Variants in ZDHHC17 observed in about 807,000 individuals in gnomAD.
ZDHHC17 encodes the protein zDHHC palmitoyltransferase 17, also known as palmitoyltransferase ZDHHC17.
In ZDHHC17, 40 loss-of-function variants were observed where a neutral mutation model predicts 90.3. The observed-to-expected ratio is 0.44, with a 90% CI of 0.34 to 0.58. The LOEUF (loss-of-function observed/expected upper bound fraction) is 0.58. ZDHHC17 is among the 20% of genes least tolerant of loss of function. ZDHHC17 has a pLI of 0.01. For synonymous variants in ZDHHC17, 235 were observed against 252.4 expected (o/e 0.93, Z 0.65); for missense variants, 614 against 780.8 (o/e 0.79, Z 2.55).
chr12:76,805,591 T>C (rs1213166418), intron 3 of ZDHHC17, among the ~76,000 whole-genome samples, 152 bp downstream of exon 3: 2 of 152,202 alleles, frequency 1.3e-5, no homozygotes, highest in African/African-American at 4.8e-5. Context: ...AAAAGAAAAA[T>C]TGCTTTTAAC....
chr12:76,781,002 C>T (rs1952617807), intron 1 of ZDHHC17, among the ~76,000 whole-genome samples: 2 of 151,974 alleles, frequency 1.3e-5, no homozygotes, highest in South Asian at 2.1e-4. Flanking sequence ...GGCGTGGTAG[C>T]AGGCGCCCGT....
Position 76,779,146 on chromosome 12 carries a change from T to C in ZDHHC17, c.93+14817T>C, listed in dbSNP as rs556487588. ...ACATTTCAGCTGCTAATTGTGTCTT[T>C]TGCCTATTTCCTAGTTGATTATTTA... On this transcript the variant is annotated intron_variant, in intron 1 of 16. Coordinates refer to ENST00000426126, the MANE Select transcript of ZDHHC17 (RefSeq NM_015336.4). 2.6e-5 allele frequency among the ~76,000 whole-genome samples: 4 copies of C among 152,350 alleles called. No individual in the cohort carries two copies. The South Asian group carries it at 8.3e-4, about 32-fold the overall frequency.
rs755980091 is a variant in ZDHHC17 at position 76,850,839 on chromosome 12, G to C, written c.1761-8G>C. 1 of 1,612,398 alleles carries C rather than the reference G, an allele frequency of 6.2e-7. No individual in the cohort carries two copies. Among genetic ancestry groups the C allele is most frequent in the Non-Finnish European group, 8.5e-7 (1 of 1,179,404 alleles). On this transcript the variant is annotated splice_region_variant and splice_polypyrimidine_tract_variant and intron_variant, in intron 16 of 16. Transcript: ENST00000426126. The stretch of plus-strand genomic sequence containing the variant: ...TGACGTGTTTTCTTTTTGGGGTGCT[G>C]TTTTTAGCCATGGATGTGTAAGAAA...
In ZDHHC17 at chr12:76,822,540, A is replaced by G. The variant is rs1406717005; in HGVS notation, c.897+9A>G. 4 of 1,507,250 alleles carry G rather than the reference A, an allele frequency of 2.7e-6. No individual in the cohort carries two copies. Among genetic ancestry groups the G allele is most frequent in the East Asian group, 2.4e-5 (1 of 41,048 alleles). 93.4% of individuals were successfully genotyped at this position (1,507,250 alleles called of 1,614,324 possible). Reference sequence around the variant, plus strand: ...AGCTGAAAGCTGATAAGGTAAACTCATAACTGAAGATTTTTTTTTTTTTTT... The same window carrying G: ...AGCTGAAAGCTGATAAGGTAAACTCGTAACTGAAGATTTTTTTTTTTTTTT... On this transcript the variant is annotated intron_variant, in intron 8 of 16. Transcript: ENST00000426126.
At chr12:76,807,048 T>G (rs905917097) in intron 3 of ZDHHC17, among the ~76,000 whole-genome samples, 16 of 152,180 alleles carry the variant, frequency 1.1e-4, no homozygotes, top group Non-Finnish European at 1.6e-4. Context: ...AAAATCAACA[T>G]GGGACTGACA....
rs76752784 is a variant in ZDHHC17 at position 76,849,903 on chromosome 12, A to G, written c.1760+433A>G. Among the ~76,000 whole-genome samples the G allele has an allele frequency of 3.2e-3, 492 of 152,192 alleles. 1 individual carries two copies. The highest frequency in any genetic ancestry group is 0.011 in the African/African-American group (469 of 41,526). Reference sequence around the variant, plus strand: ...TCTCCCATAGGTACAAAAATTATATAAGGCACAAAACTGACTGCTTTTCTT... The same window carrying G: ...TCTCCCATAGGTACAAAAATTATATGAGGCACAAAACTGACTGCTTTTCTT... On this transcript the variant is annotated intron_variant, in intron 16 of 16. Transcript: ENST00000426126.
chr12:76,812,386 C>G (rs1167261843), intron 5 of ZDHHC17, among the ~76,000 whole-genome samples: 1 of 152,092 alleles, frequency 6.6e-6, no homozygotes, highest in African/African-American at 2.4e-5. Flanking sequence ...GCTGTTTCTT[C>G]TGCTGGTATA....
intron 1 of ZDHHC17, among the ~76,000 whole-genome samples, chr12:76,787,714 G>A (rs185976503): frequency 2.7e-4 from 41 of 152,152 alleles, no homozygotes; most frequent in African/African-American, 9.9e-4. Flanking sequence ...TCTAAAATCA[G>A]AGATGATATT....
At chr12:76,765,212 C>G (rs972797877) in intron 1 of ZDHHC17, among the ~76,000 whole-genome samples, 4 of 152,336 alleles carry the variant, frequency 2.6e-5, no homozygotes, top group African/African-American at 9.6e-5. Flanking sequence ...TAAAAGATGA[C>G]AGTCGTGTTG....
intron 5 of ZDHHC17, chr12:76,813,293 A>C (rs1033130763): frequency 2.3e-6 from 1 of 425,910 alleles, no homozygotes; most frequent in African/African-American, 2.1e-5. Context: ...TTCAGAAAAC[A>C]TATTTTTTTT....
intron 1 of ZDHHC17, among the ~76,000 whole-genome samples, chr12:76,783,788 C>A (rs1952655212): frequency 6.6e-6 from 1 of 152,206 alleles, no homozygotes; most frequent in Admixed American, 6.5e-5. Context: ...TTTTGGTTAG[C>A]TGAGCCCTAA....
rs1451290319 is a variant in ZDHHC17, at chr12:76,852,687, AG to A, written c.*1703del. 6.6e-6 allele frequency: 1 copy of A among 152,630 alleles called. No homozygotes were observed. The highest frequency in any genetic ancestry group is 2.4e-5 in the African/African-American group (1 of 41,456). 9.5% of individuals were successfully genotyped at this position (152,630 alleles called of 1,614,324 possible). ...GTATTTCCAAGTACCATTTTTATAT[AG>A]TAGCTTATTTGACCATAAGTCACAC... On this transcript the variant is annotated 3_prime_UTR_variant, in exon 17 of 17. Transcript: ENST00000426126.
intron 15 of ZDHHC17, 121 bp from the exon 16 acceptor site, chr12:76,849,255 C>A: frequency 4.0e-6 from 2 of 501,440 alleles, no homozygotes. Flanking sequence ...ATCACTTGAG[C>A]CCACCCAAGA....
rs1166412811 is a variant in ZDHHC17, at chr12:76,853,468, G to T, written c.*2483G>T. 6.6e-6 allele frequency: 1 copy of T among 152,244 alleles called. No homozygotes were observed. The highest frequency in any genetic ancestry group is 1.5e-5 in the Non-Finnish European group (1 of 67,904). The allele number at this position is 152,244 out of a possible 1,614,324, so 9.4% of individuals were successfully genotyped here. ...TCATTCATATTTTTGTTGTTTCCAG[G>T]AATTTATTTGATATTAATGGGCGTA... On this transcript the variant is annotated 3_prime_UTR_variant, in exon 17 of 17. Coordinates refer to ENST00000426126, the MANE Select transcript of ZDHHC17 (RefSeq NM_015336.4).
chr12:76,820,753 C>T (rs1953154283), intron 7 of ZDHHC17, among the ~76,000 whole-genome samples: 1 of 152,226 alleles, frequency 6.6e-6, no homozygotes, highest in Middle Eastern at 3.4e-3. Context: ...AGTGATCTTA[C>T]CCCCAACCAT....
intron 2 of ZDHHC17, among the ~76,000 whole-genome samples, chr12:76,798,418 T>C (rs1176267978): frequency 6.6e-6 from 1 of 152,128 alleles, no homozygotes; most frequent in African/African-American, 2.4e-5. Flanking sequence ...CTTTAAGAAT[T>C]GTCTGAAATT....
At chr12:76,783,553 A>T (rs1406974144) in intron 1 of ZDHHC17, among the ~76,000 whole-genome samples, 2 of 152,242 alleles carry the variant, frequency 1.3e-5, no homozygotes, top group African/African-American at 4.8e-5. Context: ...CCTGGGGAAT[A>T]CAGTTCAAGA....
In ZDHHC17 at chr12:76,764,277, G is replaced by T. The variant is rs1952400090; in HGVS notation, c.41G>T (p.Gly14Val). ...EEGFNTKMAD[G>V]PDEYDTEAGC... is the part of the protein sequence containing the mutation. ...GGATTTAACACCAAGATGGCGGACGGCCCGGATGAGTACGATACCGAAGCG... is the reference window on the plus strand; with the variant it reads ...GGATTTAACACCAAGATGGCGGACGTCCCGGATGAGTACGATACCGAAGCG... Residue 14 changes from glycine (G) to valine (V), a missense_variant, in exon 1 of 17, where the codon GGC (glycine) becomes GTC (valine). This residue lies in a region of ZDHHC17 where 358 missense variants were observed against 380.4 expected (regional missense o/e 0.94). Transcript: ENST00000426126. The T allele has an allele frequency of 6.2e-7, 1 of 1,607,254 alleles. No individual in the cohort carries two copies. Among genetic ancestry groups the T allele is most frequent in the Non-Finnish European group, 8.5e-7 (1 of 1,177,118 alleles).
At chr12:76,780,728 G>T (rs1048350791) in intron 1 of ZDHHC17, among the ~76,000 whole-genome samples, 26 of 152,150 alleles carry the variant, frequency 1.7e-4, no homozygotes, top group Non-Finnish European at 3.2e-4. Context: ...CAATAGCATT[G>T]ATGTAGTTGA....
Sources: gnomAD v4.1 joint callset for allele counts (sites outside exome capture counted in the v4.1 genomes callset) on GRCh38, gnomAD v4.1.1 for gene constraint, gnomAD v4.1.1 regional missense constraint, MANE v1.5 for transcripts, NCBI Gene and HGNC (gene_info 2026-07-23, HGNC 2026-07-21) for gene names.